ORC4: variants seen among roughly 807,000 people sequenced by gnomAD.
ORC4 encodes origin recognition complex subunit 4.
ORC4 carries 55 observed loss-of-function variants against 63.9 expected under a neutral mutation model. The observed-to-expected ratio is 0.86, with a 90% CI of 0.69 to 1.08. The LOEUF (loss-of-function observed/expected upper bound fraction) is 1.08. ORC4 is among the 50% of genes least tolerant of loss of function. The pLI is 0.00. For synonymous variants in ORC4, 150 were observed against 168.5 expected, an observed-to-expected ratio of 0.89 and a Z score of 0.85; for missense variants, 511 against 504.4, an observed-to-expected ratio of 1.01 and a Z score of -0.13.
chr2:147,988,837 AG>A (rs1380751700), intron 1 of ORC4, among the ~76,000 whole-genome samples: 7 of 152,140 alleles, frequency 4.6e-5, no homozygotes, highest in African/African-American at 1.7e-4. Flanking sequence ...TTAAAATAAA[AG>A]TAGGAAAGAA....
intron 1 of ORC4, among the ~76,000 whole-genome samples, chr2:148,018,381 G>A (rs1237932018): frequency 6.6e-6 from 1 of 152,070 alleles, no homozygotes; most frequent in Non-Finnish European, 1.5e-5. Flanking sequence ...TATCTACTTT[G>A]GAAAAGGCAT....
chr2:147,978,600 G>T (rs920238883), intron 1 of ORC4, among the ~76,000 whole-genome samples: 12 of 152,200 alleles, frequency 7.9e-5, no homozygotes, highest in Admixed American at 7.9e-4. Flanking sequence ...TTGGGACTGA[G>T]GACAGTGGAC....
In ORC4 at chr2:148,003,030, G is replaced by A. The variant is rs560913618; in HGVS notation, c.-18+17603C>T. 2.3e-4 allele frequency among the ~76,000 whole-genome samples: 35 copies of A among 152,198 alleles called. No homozygotes were observed. The South Asian group carries it at 7.1e-3, about 31-fold the overall frequency. On this transcript the variant is annotated intron_variant, in intron 1 of 13. Coordinates refer to ENST00000392857, the MANE Select transcript of ORC4 (RefSeq NM_181741.4). ...ATCTAGAAGAAATGGATGAATTCCT[G>A]GACACAGACACCATCCCAAGACTAA...
At chr2:147,993,867 T>G (rs767563041) in intron 1 of ORC4, among the ~76,000 whole-genome samples, 1 of 152,192 alleles carries the variant, frequency 6.6e-6, no homozygotes, top group Non-Finnish European at 1.5e-5. Context: ...TAGGCTCAAA[T>G]ACACTGTTTT....
intron 4 of ORC4, among the ~76,000 whole-genome samples, chr2:147,966,711 A>C (rs1689914209): frequency 6.6e-6 from 1 of 152,182 alleles, no homozygotes; most frequent in Non-Finnish European, 1.5e-5. Flanking sequence ...ATCAGGAATA[A>C]AAAGTCTTCC....
intron 4 of ORC4, among the ~76,000 whole-genome samples, chr2:147,965,975 G>A (rs1008391412): frequency 1.3e-5 from 2 of 152,158 alleles, no homozygotes; most frequent in African/African-American, 2.4e-5. Flanking sequence ...AGACGCCAAG[G>A]TGGGAGGATC....
At chr2:147,946,375 A>G (rs1432697089) in intron 9 of ORC4, among the ~76,000 whole-genome samples, 1 of 152,058 alleles carries the variant, frequency 6.6e-6, no homozygotes, top group African/African-American at 2.4e-5. Flanking sequence ...AGCCAGAAAA[A>G]CATACTGGTG....
intron 1 of ORC4, among the ~76,000 whole-genome samples, chr2:147,999,883 G>A (rs1692193764): frequency 6.6e-6 from 1 of 151,870 alleles, no homozygotes; most frequent in African/African-American, 2.4e-5. Context: ...AGTAGAGAAA[G>A]CAGGAAGCAA....
At chr2:147,935,926 T>C (rs1295884336) in intron 13 of ORC4, among the ~76,000 whole-genome samples, 3 of 152,180 alleles carry the variant, frequency 2.0e-5, no homozygotes, top group Non-Finnish European at 4.4e-5. Flanking sequence ...TATTGTTGAA[T>C]GTAAACACGG....
chr2:147,957,090 T>A (rs1238556079), intron 6 of ORC4, among the ~76,000 whole-genome samples: 1 of 148,342 alleles, frequency 6.7e-6, no homozygotes, highest in Non-Finnish European at 1.5e-5. Context: ...TTTATATTAA[T>A]ATTTTTATAG....
intron 1 of ORC4, among the ~76,000 whole-genome samples, chr2:148,017,435 C>G (rs1327131732): frequency 6.6e-6 from 1 of 152,172 alleles, no homozygotes; most frequent in Non-Finnish European, 1.5e-5. Flanking sequence ...ACTTTGGAAG[C>G]CCAAGGTGGG....
At chr2:148,001,548 C>G (rs1229396150) in intron 1 of ORC4, among the ~76,000 whole-genome samples, 3 of 152,104 alleles carry the variant, frequency 2.0e-5, no homozygotes, top group African/African-American at 7.2e-5. Flanking sequence ...CCTTTATAGA[C>G]AAGCAAATGC....
chr2:147,982,874 T>C (rs1690972011), intron 1 of ORC4, among the ~76,000 whole-genome samples: 2 of 152,016 alleles, frequency 1.3e-5, no homozygotes. Flanking sequence ...TAAAGAACCC[T>C]CAACACTCAA....
Position 147,931,267 on chromosome 2 carries a change from T to C in ORC4, c.*4243A>G, listed in dbSNP as rs1215253575. 1 of 149,064 alleles carries C rather than the reference T, an allele frequency of 6.7e-6. No individual in the cohort carries two copies. Among genetic ancestry groups the C allele is most frequent in the Non-Finnish European group, 1.5e-5 (1 of 67,002 alleles). The allele number at this position is 149,064 out of a possible 1,614,324, so 9.2% of individuals were successfully genotyped here. A position where few individuals can be genotyped will look rare whatever the true frequency, so the allele number is the denominator to read the frequency against. ...AATCCAGTCTATCATTGTTGGACATTTGGGTTGGTTCCAAGTCTTTGCTAT... is the reference window on the plus strand; with the variant it reads ...AATCCAGTCTATCATTGTTGGACATCTGGGTTGGTTCCAAGTCTTTGCTAT... On this transcript the variant is annotated 3_prime_UTR_variant, in exon 14 of 14. Coordinates refer to ENST00000392857, the MANE Select transcript of ORC4 (RefSeq NM_181741.4).
At chr2:147,982,556 C>A (rs1690945766) in intron 1 of ORC4, among the ~76,000 whole-genome samples, 1 of 152,074 alleles carries the variant, frequency 6.6e-6, no homozygotes, top group Non-Finnish European at 1.5e-5. Flanking sequence ...CTAATCTGCC[C>A]CTTTGCATCA....
chr2:147,992,332 C>G (rs556128480), intron 1 of ORC4, among the ~76,000 whole-genome samples: 483 of 152,268 alleles, frequency 3.2e-3, no homozygotes, highest in Non-Finnish European at 5.6e-3. Flanking sequence ...TAATAGCTCA[C>G]TGAAGTCATG....
chr2:147,937,249 TAA>T (rs1688104899), intron 13 of ORC4, among the ~76,000 whole-genome samples: 1 of 152,096 alleles, frequency 6.6e-6, no homozygotes. Flanking sequence ...TCCACTGTTT[TAA>T]AAGTTTCTTT....
rs1216565365 is a variant in ORC4 at position 147,931,705 on chromosome 2, A to C, written c.*3805T>G. 3.9e-5 allele frequency: 6 copies of C among 151,958 alleles called. No homozygotes were observed. Among genetic ancestry groups the C allele is most frequent in the African/African-American group, 7.3e-5 (3 of 41,312 alleles). 9.4% of individuals were successfully genotyped at this position (151,958 alleles called of 1,614,324 possible). A position where few individuals can be genotyped will look rare whatever the true frequency, so the allele number is the denominator to read the frequency against. ...ATATAAACAGAGCCAAAGACAAAAA[A>C]CACATGATTATCTCAATAGATGCAG... On this transcript the variant is annotated 3_prime_UTR_variant, in exon 14 of 14. Transcript: ENST00000392857.
At chr2:147,984,014 C>T (rs1691046591) in intron 1 of ORC4, among the ~76,000 whole-genome samples, 1 of 152,196 alleles carries the variant, frequency 6.6e-6, no homozygotes, top group Non-Finnish European at 1.5e-5. Context: ...TACAAGACTA[C>T]TCTTGACTTC....
Sources: allele counts gnomAD v4.1 joint callset (sites outside exome capture counted in the v4.1 genomes callset), GRCh38; gene constraint gnomAD v4.1.1; transcripts MANE v1.5; gene names NCBI Gene and HGNC (gene_info 2026-07-23, HGNC 2026-07-21).